NME8: variants seen among roughly 807,000 people sequenced by gnomAD.
The protein encoded by NME8 is protein NME8.
NME8 carries 72 observed loss-of-function variants against 82.3 expected under a neutral mutation model. That is an observed-to-expected ratio of 0.87 (90% CI 0.72 to 1.06). NME8 has a LOEUF of 1.06. NME8 is among the 50% of genes least tolerant of loss of function. The pLI is 0.00. For synonymous variants in NME8, 267 were observed against 228.5 expected, an observed-to-expected ratio of 1.17 and a Z score of -1.52; for missense variants, 712 against 685.4, an observed-to-expected ratio of 1.04 and a Z score of -0.43.
intron 16 of NME8, among the ~76,000 whole-genome samples, chr7:37,895,693 T>TG (rs1785216769): frequency 1.3e-5 from 2 of 152,048 alleles, no homozygotes; most frequent in Admixed American, 1.3e-4. Flanking sequence ...TGTACAGCAG[T>TG]AGTCCCATAA....
At chr7:37,867,557 TG>T (rs1784705462) in intron 10 of NME8, 144 bp from the exon 11 acceptor site, 1 of 678,712 alleles carries the variant, frequency 1.5e-6, no homozygotes, top group African/African-American at 1.8e-5. Context: ...AAAAATGTAT[TG>T]TTAACAGGAG....
At chr7:37,862,920 G>T (rs936245058) in intron 7 of NME8, among the ~76,000 whole-genome samples, 3 of 152,098 alleles carry the variant, frequency 2.0e-5, no homozygotes, top group Admixed American at 6.6e-5. Flanking sequence ...AGGAGATGGA[G>T]ACCAGCCTGG....
chr7:37,883,359 A>C (rs1028973434), intron 12 of NME8, among the ~76,000 whole-genome samples: 8 of 152,140 alleles, frequency 5.3e-5, no homozygotes, highest in African/African-American at 1.7e-4. Flanking sequence ...AACTTTCAAG[A>C]GCTATATATC....
Position 37,863,501 on chromosome 7 carries a change from G to A in NME8, c.454+39G>A, listed in dbSNP as rs377549312. ...CTTCAAAGTAATCCAAGGGTTTTCT[G>A]TACGTGGGCGGTCATCACAGCATCA... On this transcript the variant is annotated intron_variant, in intron 8 of 17. Transcript: ENST00000199447. 2.3e-5 allele frequency: 27 copies of A among 1,175,636 alleles called. No individual in the cohort carries two copies. In the African/African-American group the frequency reaches 3.6e-4, roughly 16 times the overall value. 72.8% of individuals were successfully genotyped at this position (1,175,636 alleles called of 1,614,324 possible). A position where few individuals can be genotyped will look rare whatever the true frequency, so the allele number is the denominator to read the frequency against.
chr7:37,850,496 C>T (rs751780750), intron 4 of NME8, 61 bp downstream of exon 4: 15 of 1,587,492 alleles, frequency 9.4e-6, no homozygotes, highest in Non-Finnish European at 1.3e-5. Context: ...CTCCTGGCAC[C>T]CTGTCCCTCT....
In NME8 at chr7:37,865,538, G is replaced by T; in HGVS notation, c.542G>T (p.Gly181Val). The T allele has an allele frequency of 1.2e-6, 2 of 1,612,062 alleles. No homozygotes were observed. Among genetic ancestry groups the T allele is most frequent in the Middle Eastern group, 1.7e-4 (1 of 6,052 alleles). The change falls in exon 10 of 18, where the codon GGA becomes GTA. Residue 181 changes from glycine (G) to valine (V), a missense_variant. Transcript: ENST00000199447. ...LEIKRKITKAGFIIEAEHKTV... is the reference protein window; with the variant it reads ...LEIKRKITKAVFIIEAEHKTV... ...CTCTAATTGAAGATTACCAAAGCTG[G>T]ATTTATTATAGAAGCAGAGCATAAG...
At chr7:37,884,213 T>C (rs535347197) in intron 12 of NME8, 90 bp from the exon 13 acceptor site, 429 of 916,660 alleles carry the variant, frequency 4.7e-4, no homozygotes, top group Non-Finnish European at 7.0e-4. Context: ...ATAAAGTGCA[T>C]TGTATGCCCT....
chr7:37,881,724 A>G (rs898177315), intron 12 of NME8, among the ~76,000 whole-genome samples: 2 of 152,156 alleles, frequency 1.3e-5, no homozygotes, highest in East Asian at 1.9e-4. Context: ...GTTTCCAGAG[A>G]ATTGGTGTCA....
intron 11 of NME8, among the ~76,000 whole-genome samples, chr7:37,874,219 AG>A (rs1784814038): frequency 1.3e-5 from 2 of 152,326 alleles, no homozygotes; most frequent in East Asian, 3.9e-4. Flanking sequence ...ACACACACAC[AG>A]ACACATACAG....
chr7:37,892,347 T>C (rs556761700), intron 15 of NME8, among the ~76,000 whole-genome samples: 2 of 151,962 alleles, frequency 1.3e-5, no homozygotes, highest in East Asian at 1.9e-4. Flanking sequence ...CTTTTTTTTT[T>C]CTTAGGGATT....
chr7:37,884,225 A>G, intron 12 of NME8, 78 bp from the exon 13 acceptor site: 1 of 1,021,442 alleles, frequency 9.8e-7, no homozygotes, highest in Non-Finnish European at 1.5e-6. Context: ...GTATGCCCTC[A>G]TGATAGTATA....
At chr7:37,885,275 C>G (rs1785023439) in intron 14 of NME8, 23 bp downstream of exon 14, 1 of 1,483,758 alleles carries the variant, frequency 6.7e-7, no homozygotes, top group East Asian at 2.3e-5. Context: ...CCATGGGTCA[C>G]TATCTGTTTT....
intron 11 of NME8, among the ~76,000 whole-genome samples, chr7:37,874,683 T>TG (rs1443438700): frequency 6.6e-6 from 1 of 152,128 alleles, no homozygotes; most frequent in Non-Finnish European, 1.5e-5. Flanking sequence ...GTCAAGAATA[T>TG]GGCTATTAGG....
intron 12 of NME8, among the ~76,000 whole-genome samples, chr7:37,881,833 A>G (rs1394779196): frequency 6.6e-6 from 1 of 152,190 alleles, no homozygotes; most frequent in Non-Finnish European, 1.5e-5. Flanking sequence ...AATTTATCTA[A>G]TAGATATAGG....
intron 17 of NME8, among the ~76,000 whole-genome samples, chr7:37,899,107 A>G (rs1292404161): frequency 6.6e-6 from 1 of 152,198 alleles, no homozygotes. Flanking sequence ...TAGTTCAACC[A>G]TTGTGGAGGA....
chr7:37,893,240 A>G (rs1211413930), intron 15 of NME8, among the ~76,000 whole-genome samples: 1 of 152,126 alleles, frequency 6.6e-6, no homozygotes, highest in Non-Finnish European at 1.5e-5. Flanking sequence ...ACCAGGAAGT[A>G]TTGATTTTCC....
At chr7:37,898,386 A>T (rs1332179538) in intron 17 of NME8, among the ~76,000 whole-genome samples, 1 of 152,170 alleles carries the variant, frequency 6.6e-6, no homozygotes, top group Non-Finnish European at 1.5e-5. Context: ...TCCCAAAAGA[A>T]CTGAAAACAG....
intron 6 of NME8, among the ~76,000 whole-genome samples, chr7:37,861,608 G>A (rs1265292372): frequency 6.6e-6 from 1 of 152,092 alleles, no homozygotes; most frequent in Non-Finnish European, 1.5e-5. Flanking sequence ...TGCCTGGTAC[G>A]GCACCAGTAA....
intron 5 of NME8, among the ~76,000 whole-genome samples, chr7:37,853,399 C>T (rs1784463493): frequency 6.6e-6 from 1 of 152,042 alleles, no homozygotes. Flanking sequence ...TGATTCTTCA[C>T]AGAGAAGAAA....
Sources: gnomAD v4.1 joint callset for allele counts (sites outside exome capture counted in the v4.1 genomes callset) on GRCh38, gnomAD v4.1.1 for gene constraint, MANE v1.5 for transcripts, NCBI Gene and HGNC (gene_info 2026-07-23, HGNC 2026-07-21) for gene names.